Variants in NRXN1 observed in about 807,000 individuals in gnomAD.
The protein encoded by NRXN1 is neurexin-1.
In NRXN1, 39 loss-of-function variants were observed where a neutral mutation model predicts 150.9. The observed-to-expected ratio is 0.26, with a 90% confidence interval of 0.20 to 0.34. The LOEUF (loss-of-function observed/expected upper bound fraction) is 0.34, where lower values mean the gene tolerates loss of function less well. Among genes scored for constraint, NRXN1 ranks in the 10% least tolerant of loss-of-function variants. NRXN1 has a pLI of 1.00. For synonymous variants in NRXN1, 924 were observed against 757.0 expected, an observed-to-expected ratio of 1.22 and a Z score of -3.62; for missense variants, 1,815 against 1,949.9, an observed-to-expected ratio of 0.93 and a Z score of 1.30.
intron 5 of NRXN1, among the ~76,000 whole-genome samples, chr2:50,722,725 A>C (rs908355390): frequency 5.9e-5 from 9 of 152,208 alleles, no homozygotes; most frequent in East Asian, 3.8e-4. Flanking sequence ...TTAAAACTCA[A>C]ATCATGTTAA....
intron 8 of NRXN1, among the ~76,000 whole-genome samples, chr2:50,574,985 A>G (rs1424123105): frequency 6.6e-6 from 1 of 152,238 alleles, no homozygotes; most frequent in Non-Finnish European, 1.5e-5. Context: ...CTCTCAGAGC[A>G]TACTCACTGG....
intron 8 of NRXN1, among the ~76,000 whole-genome samples, chr2:50,599,445 A>T (rs779758943): frequency 1.3e-5 from 2 of 152,226 alleles, no homozygotes; most frequent in African/African-American, 2.4e-5. Context: ...CTATTTTAGA[A>T]GAAAATTTGT....
intron 5 of NRXN1, among the ~76,000 whole-genome samples, chr2:50,906,413 C>T (rs1483994083): frequency 2.6e-5 from 4 of 152,076 alleles, no homozygotes; most frequent in African/African-American, 9.7e-5. Flanking sequence ...TGTAACTAAT[C>T]AACCAACAAA....
rs184398550 is a variant in NRXN1 at position 51,008,843 on chromosome 2, C to T, written c.772+18659G>A. The stretch of plus-strand genomic sequence containing the variant: ...ATTTTTTATAGACTGCTTTTAATTT[C>T]GTGATAATATTAAGGTTATTTGGTA... On this transcript the variant is annotated intron_variant, in intron 2 of 22. Transcript: ENST00000401669. Among the ~76,000 whole-genome samples, 1,207 of 151,452 alleles carry T rather than the reference C, an allele frequency of 8.0e-3. 12 individuals are homozygous for T. Among genetic ancestry groups the T allele is most frequent in the Non-Finnish European group, 9.2e-3 (623 of 67,784 alleles).
chr2:50,255,356 A>T (rs777646238), intron 17 of NRXN1, among the ~76,000 whole-genome samples: 4 of 152,228 alleles, frequency 2.6e-5, no homozygotes, highest in Non-Finnish European at 5.9e-5. Flanking sequence ...TGTGAAGATT[A>T]TAACTATGTA....
At chr2:49,998,350 C>T (rs1283621629) in intron 21 of NRXN1, among the ~76,000 whole-genome samples, 4 of 152,060 alleles carry the variant, frequency 2.6e-5, no homozygotes. Context: ...AATCTTAATG[C>T]CCATGTATAT....
At chr2:49,965,599 T>C (rs768946897) in intron 21 of NRXN1, among the ~76,000 whole-genome samples, 6 of 152,124 alleles carry the variant, frequency 3.9e-5, no homozygotes, top group Non-Finnish European at 7.3e-5. Context: ...TGAACAGTCA[T>C]AAAAATAATT....
chr2:50,776,373 C>T (rs1046263238), intron 5 of NRXN1, among the ~76,000 whole-genome samples: 2 of 151,948 alleles, frequency 1.3e-5, no homozygotes, highest in African/African-American at 2.4e-5. Context: ...TCAGGTACAA[C>T]AAGAATGTAC....
At chr2:50,238,826 C>A (rs1262358033) in intron 17 of NRXN1, among the ~76,000 whole-genome samples, 2 of 151,902 alleles carry the variant, frequency 1.3e-5, no homozygotes, top group African/African-American at 4.8e-5. Flanking sequence ...GTATATAGAC[C>A]TCTTCCAAGA....
intron 17 of NRXN1, among the ~76,000 whole-genome samples, chr2:50,399,124 G>T (rs2082233468): frequency 6.6e-6 from 1 of 152,054 alleles, no homozygotes; most frequent in African/African-American, 2.4e-5. Flanking sequence ...TTTTCACTTA[G>T]ATTTTAAAGG....
At chr2:50,438,965 G>A (rs957071064) in intron 17 of NRXN1, among the ~76,000 whole-genome samples, 6 of 152,198 alleles carry the variant, frequency 3.9e-5, no homozygotes, top group Admixed American at 2.6e-4. Flanking sequence ...ACTATGGAAA[G>A]TTGCCACAGC....
At chr2:50,440,302 T>C (rs956932040) in intron 17 of NRXN1, among the ~76,000 whole-genome samples, 3 of 152,142 alleles carry the variant, frequency 2.0e-5, no homozygotes, top group Non-Finnish European at 4.4e-5. Context: ...TTCTTAGAGC[T>C]GGACTTAAGT....
intron 17 of NRXN1, among the ~76,000 whole-genome samples, chr2:50,300,577 G>A (rs922287447): frequency 6.6e-6 from 1 of 152,202 alleles, no homozygotes; most frequent in African/African-American, 2.4e-5. Context: ...CTCCCTTGCA[G>A]CTAAGTGTGA....
At chr2:49,934,366 C>A (rs1279783635) in intron 22 of NRXN1, among the ~76,000 whole-genome samples, 3 of 151,904 alleles carry the variant, frequency 2.0e-5, no homozygotes, top group Non-Finnish European at 4.4e-5. Context: ...CTAGGTGCAC[C>A]CACCCCTCCA....
At chr2:50,248,922 G>A (rs1020762035) in intron 17 of NRXN1, among the ~76,000 whole-genome samples, 1 of 151,918 alleles carries the variant, frequency 6.6e-6, no homozygotes, top group African/African-American at 2.4e-5. Context: ...CAAGGCAGAA[G>A]GATTCCTTGA....
At chr2:50,127,379 C>G (rs763750200) in intron 18 of NRXN1, among the ~76,000 whole-genome samples, 3 of 151,906 alleles carry the variant, frequency 2.0e-5, no homozygotes, top group Non-Finnish European at 4.4e-5. Context: ...TTTTAAAAAC[C>G]TGATAAAAAG....
intron 5 of NRXN1, among the ~76,000 whole-genome samples, chr2:50,883,738 A>C (rs1415132176): frequency 6.6e-6 from 1 of 151,904 alleles, no homozygotes; most frequent in Non-Finnish European, 1.5e-5. Flanking sequence ...ATTGTGATTT[A>C]GGTAAACAAT....
intron 18 of NRXN1, among the ~76,000 whole-genome samples, chr2:50,099,987 A>G (rs188154717): frequency 2.2e-4 from 34 of 152,298 alleles, no homozygotes; most frequent in African/African-American, 7.7e-4. Flanking sequence ...AAGGCAAAGC[A>G]GTTCTCACGG....
intron 5 of NRXN1, among the ~76,000 whole-genome samples, chr2:50,661,578 C>T (rs1000988936): frequency 6.6e-6 from 1 of 152,002 alleles, no homozygotes; most frequent in African/African-American, 2.4e-5. Flanking sequence ...GACACATAGC[C>T]CCAGAGGCTG....
Sources: allele counts gnomAD v4.1 joint callset (sites outside exome capture counted in the v4.1 genomes callset), GRCh38; gene constraint gnomAD v4.1.1; transcripts MANE v1.5; gene names NCBI Gene and HGNC (gene_info 2026-07-23, HGNC 2026-07-21).